Variants in SATL1 observed in about 807,000 individuals in gnomAD.
SATL1 encodes the protein spermidine/spermine N(1)-acetyltransferase-like protein 1.
Under a neutral mutation model 51.8 loss-of-function variants are expected in SATL1, and 47 were observed. The observed-to-expected ratio is 0.91, with a 90% CI of 0.72 to 1.16. SATL1 has a LOEUF of 1.16. SATL1 is among the 50% of genes most tolerant of loss of function. The pLI is 0.00. For missense variants in SATL1, 520 were observed against 526.4 expected (o/e 0.99, Z 0.12); for synonymous variants, 176 against 182.4 (o/e 0.97, Z 0.28).
intron 2 of SATL1, among the ~76,000 whole-genome samples, chrX:85,126,095 T>G (rs1234573331): frequency 2.7e-5 from 3 of 110,928 alleles, no homozygotes; most frequent in Non-Finnish European, 5.7e-5. Flanking sequence ...AATCTGAGGA[T>G]AAATGCAAAC....
At chrX:85,214,539 A>G (rs757478200) in intron 2 of SATL1, among the ~76,000 whole-genome samples, 1 of 111,459 alleles carries the variant, frequency 9.0e-6, no homozygotes, top group Non-Finnish European at 1.9e-5. Flanking sequence ...TCCTTCTCAC[A>G]AGCAAAATAC....
chrX:85,113,860 T>G (rs1925319751), intron 2 of SATL1, among the ~76,000 whole-genome samples: 1 of 111,554 alleles, frequency 9.0e-6, no homozygotes, highest in Admixed American at 9.5e-5. Flanking sequence ...GTTGTGTAAA[T>G]TCCTCTCCTC....
intron 2 of SATL1, among the ~76,000 whole-genome samples, chrX:85,151,432 C>T (rs182024042): frequency 2.9e-3 from 326 of 111,692 alleles, no homozygotes; most frequent in Middle Eastern, 4.6e-3. Context: ...CATCAACCTA[C>T]CAATGACTTT....
rs762735729 is a variant in SATL1, at chrX:85,227,794, A to G, written c.-434-3468T>C. On this transcript the variant is annotated intron_variant, in intron 1 of 7. Coordinates refer to ENST00000644105, the MANE Select transcript of SATL1 (RefSeq NM_001367857.2). ...TGGTCTTTATGTGGGCTACAATTCA[A>G]ACAAACATAAAAAGACAACTGGGGA... is the stretch of plus-strand genomic sequence containing the variant. Among the ~76,000 whole-genome samples, 6 of 111,942 alleles carry G rather than the reference A, an allele frequency of 5.4e-5. No homozygotes were observed. In the East Asian group the frequency reaches 1.7e-3, roughly 31 times the overall value.
At chrX:85,200,666 A>C (rs1343368464) in intron 2 of SATL1, among the ~76,000 whole-genome samples, 2 of 111,409 alleles carry the variant, frequency 1.8e-5, no homozygotes, top group African/African-American at 6.5e-5. Flanking sequence ...ACTCATCACT[A>C]ATTCACAAAG....
At chrX:85,192,404 C>T (rs1189193131) in intron 2 of SATL1, among the ~76,000 whole-genome samples, 1 of 111,241 alleles carries the variant, frequency 9.0e-6, no homozygotes, top group Non-Finnish European at 1.9e-5. Flanking sequence ...GCCTTCTCTT[C>T]CCCTCCATTG....
chrX:85,165,575 C>T (rs1315792574), intron 2 of SATL1, among the ~76,000 whole-genome samples: 1 of 110,786 alleles, frequency 9.0e-6, no homozygotes, highest in African/African-American at 3.3e-5. Context: ...GGTTTGGATC[C>T]ATTGCTGAAG....
chrX:85,219,255 A>G (rs950037467), intron 2 of SATL1: 2 of 112,406 alleles, frequency 1.8e-5, no homozygotes, highest in African/African-American at 3.2e-5. Flanking sequence ...AAACATACTC[A>G]GAATACTTTA....
intron 2 of SATL1, among the ~76,000 whole-genome samples, chrX:85,144,709 C>G (rs1483540087): frequency 1.8e-5 from 2 of 111,404 alleles, no homozygotes; most frequent in Admixed American, 1.9e-4. Flanking sequence ...CCACAGTTTT[C>G]TTGAAATTAT....
At chrX:85,178,423 G>GT (rs1403617828) in intron 2 of SATL1, among the ~76,000 whole-genome samples, 4 of 110,136 alleles carry the variant, frequency 3.6e-5, no homozygotes, top group African/African-American at 1.3e-4. Context: ...TTTTGTTTTT[G>GT]TTTTTGTTTT....
At chrX:85,192,581 A>T (rs902474400) in intron 2 of SATL1, among the ~76,000 whole-genome samples, 1 of 111,459 alleles carries the variant, frequency 9.0e-6, no homozygotes, top group African/African-American at 3.3e-5. Context: ...TTCCAAGCTT[A>T]CATTAAAAAA....
intron 2 of SATL1, among the ~76,000 whole-genome samples, chrX:85,141,455 G>A (rs16980126): frequency 0.014 from 1,564 of 111,913 alleles, 25 homozygotes; most frequent in African/African-American, 0.048. Flanking sequence ...AAGCTGAAAT[G>A]TTGCCTTCCT....
chrX:85,177,826 T>C (rs767586962), intron 2 of SATL1, among the ~76,000 whole-genome samples: 1 of 111,390 alleles, frequency 9.0e-6, no homozygotes, highest in Admixed American at 9.6e-5. Context: ...AAATTTCAGC[T>C]CAATGTAATG....
At chrX:85,196,060 A>G (rs745944782) in intron 2 of SATL1, among the ~76,000 whole-genome samples, 6 of 110,050 alleles carry the variant, frequency 5.5e-5, no homozygotes, top group Non-Finnish European at 1.1e-4. Context: ...AGTTGAATGT[A>G]ACCTCAGGTT....
chrX:85,110,985 A>C (rs1925245232), intron 2 of SATL1, among the ~76,000 whole-genome samples: 1 of 112,653 alleles, frequency 8.9e-6, no homozygotes, highest in African/African-American at 3.2e-5. Flanking sequence ...AGGTTAAGTA[A>C]CTTGACATAG....
At chrX:85,149,318 G>C (rs1338495389) in intron 2 of SATL1, among the ~76,000 whole-genome samples, 4 of 111,363 alleles carry the variant, frequency 3.6e-5, no homozygotes, top group African/African-American at 1.3e-4. Context: ...CATAAAGCAA[G>C]TCCTGAGTGA....
chrX:85,125,394 A>G (rs1925597327), intron 2 of SATL1, among the ~76,000 whole-genome samples: 2 of 111,322 alleles, frequency 1.8e-5, no homozygotes, highest in Admixed American at 1.9e-4. Flanking sequence ...TTGGGAAGTG[A>G]CAATTACACT....
intron 2 of SATL1, chrX:85,156,187 T>G (rs778656058): frequency 2.0e-4 from 22 of 111,660 alleles, no homozygotes; most frequent in Non-Finnish European, 4.0e-4. Context: ...TTCTTATTGC[T>G]TTCTCTTGGG....
chrX:85,187,074 T>C (rs1225541144), intron 2 of SATL1, among the ~76,000 whole-genome samples: 1 of 112,338 alleles, frequency 8.9e-6, no homozygotes, highest in Non-Finnish European at 1.9e-5. Context: ...AGTTTTGATT[T>C]ATTCCTAAAT....
Sources: allele counts gnomAD v4.1 joint callset (sites outside exome capture counted in the v4.1 genomes callset), GRCh38; gene constraint gnomAD v4.1.1; transcripts MANE v1.5; gene names NCBI Gene and HGNC (gene_info 2026-07-23, HGNC 2026-07-21).